POLE: variants seen among roughly 807,000 people sequenced by gnomAD.
The protein encoded by POLE is DNA polymerase epsilon catalytic subunit A.
In POLE, 188 loss-of-function variants were observed where a neutral mutation model predicts 279.2. That is an observed-to-expected ratio of 0.67 (90% CI 0.60 to 0.76). The LOEUF (loss-of-function observed/expected upper bound fraction) is 0.76. Among genes scored for constraint, POLE ranks in the 30% least tolerant of loss-of-function variants. The pLI, the probability that POLE is intolerant of heterozygous loss-of-function variation, is 0.00. For missense variants in POLE, 2,703 were observed against 3,016.7 expected (o/e 0.90, Z 2.44); for synonymous variants, 1,214 against 1,172.5 (o/e 1.04, Z -0.72).
chr12:132,646,919 G>A (rs951666684), intron 32 of POLE, among the ~76,000 whole-genome samples: 14 of 152,032 alleles, frequency 9.2e-5, no homozygotes, highest in African/African-American at 3.1e-4. Context: ...GGCTGGTCTC[G>A]AATGCCTGAG....
chr12:132,628,098 C>A (rs1048779581), intron 45 of POLE, among the ~76,000 whole-genome samples: 3 of 152,200 alleles, frequency 2.0e-5, no homozygotes, highest in Non-Finnish European at 4.4e-5. Context: ...AATCCCAGCA[C>A]TTTGGGAGGC....
chr12:132,648,405 C>CG (rs2042337193), intron 32 of POLE: 1 of 151,642 alleles, frequency 6.6e-6, no homozygotes, highest in South Asian at 2.1e-4. Context: ...GCCCAGGTGA[C>CG]GGGGTGATGG....
At chr12:132,656,255 T>G (rs1269987810) in intron 29 of POLE, among the ~76,000 whole-genome samples, 1 of 152,078 alleles carries the variant, frequency 6.6e-6, no homozygotes, top group Non-Finnish European at 1.5e-5. Flanking sequence ...CACTCCTGCC[T>G]GGGCAATAGA....
Position 132,657,162 on chromosome 12 carries a change from G to T in POLE, c.3556C>A (p.Leu1186Ile), listed in dbSNP as rs1168899671. The T allele has an allele frequency of 1.9e-6, 3 of 1,613,894 alleles. No individual in the cohort carries two copies. The African/African-American group carries it at 4.0e-5, about 22-fold the overall frequency. Residue 1186 changes from leucine to isoleucine, a missense_variant, in exon 29 of 49, where the codon CTC becomes ATC. Physicochemically the swap from Leu to Ile is conservative, Grantham distance 5. Transcript: ENST00000320574. ...DVYKQKKISELFTLEGRRQVT... is the reference protein window; with the variant it reads ...DVYKQKKISEIFTLEGRRQVT... Reference sequence around the variant, plus strand: ...TGTCTCCTGCCCTCCAGGGTGAAGAGCTCACTGATCTTCTTCTGCTTGTAG... The same window carrying T: ...TGTCTCCTGCCCTCCAGGGTGAAGATCTCACTGATCTTCTTCTGCTTGTAG...
At chr12:132,673,912 C>T (rs2136002238) in intron 12 of POLE, among the ~76,000 whole-genome samples, 1 of 152,326 alleles carries the variant, frequency 6.6e-6, no homozygotes, top group South Asian at 2.1e-4. Flanking sequence ...CTATCCACAA[C>T]ACAAGGAAGC....
intron 39 of POLE, chr12:132,640,891 C>G (rs2042126847): frequency 6.9e-6 from 3 of 432,438 alleles, no homozygotes; most frequent in Non-Finnish European, 1.4e-5. Flanking sequence ...CTGCCTCTTT[C>G]CACCAGTCCT....
At chr12:132,669,497 A>C (rs534508712) in intron 16 of POLE, among the ~76,000 whole-genome samples, 1 of 152,084 alleles carries the variant, frequency 6.6e-6, no homozygotes, top group South Asian at 2.1e-4. Flanking sequence ...AATCCTTAAA[A>C]CCCTCCAAAG....
intron 32 of POLE, among the ~76,000 whole-genome samples, chr12:132,645,806 A>C (rs568259649): frequency 6.8e-6 from 1 of 146,576 alleles, no homozygotes; most frequent in South Asian, 2.1e-4. Context: ...ACACCCACAC[A>C]CACACACACA....
intron 29 of POLE, among the ~76,000 whole-genome samples, chr12:132,655,490 T>C (rs189238784): frequency 1.1e-3 from 165 of 152,376 alleles, no homozygotes; most frequent in African/African-American, 3.6e-3. Context: ...AGCTAGTGAC[T>C]AAATCTAGTT....
chr12:132,639,340 C>T lies in POLE; in HGVS notation c.5379-42G>A, dbSNP rs2042095870. ...ACGACACCCTCGTACCCTCAGCCTC[C>T]CACGCTGCTGCCACGCGGGACGCTC... On this transcript the variant is annotated intron_variant, in intron 39 of 48. Coordinates refer to ENST00000320574, the MANE Select transcript of POLE (RefSeq NM_006231.4). The surrounding 1 kb of genome is among the most constrained non-coding windows in gnomAD (Gnocchi z 4.7). 4.4e-6 allele frequency: 7 copies of T among 1,595,970 alleles called. No homozygotes were observed. In the East Asian group the frequency reaches 1.6e-4, roughly 36 times the overall value.
chr12:132,649,156 C>T (rs2042357011), intron 31 of POLE, 84 bp from the exon 32 acceptor site: 1 of 1,540,328 alleles, frequency 6.5e-7, no homozygotes, highest in Non-Finnish European at 8.8e-7. Flanking sequence ...GCTTGCAGCT[C>T]CCAGCACAGG....
Position 132,657,401 on chromosome 12 carries a change from C to T in POLE, c.3407G>A (p.Arg1136Gln), listed in dbSNP as rs761355093. The change falls in exon 28 of 49, where the codon CGG becomes CAG. Residue 1136 changes from arginine to glutamine, a missense_variant. Transcript: ENST00000320574. ...AILDWDYYIE[R>Q]LGSAIQKIIT... is the part of the protein sequence containing the mutation. ...GATCTTCTGGATGGCGCTTCCCAGCCGCTCAATGTAGTAGTCCCAATCCAG... is the reference window on the plus strand; with the variant it reads ...GATCTTCTGGATGGCGCTTCCCAGCTGCTCAATGTAGTAGTCCCAATCCAG... 1.2e-5 allele frequency: 19 copies of T among 1,613,978 alleles called. No individual in the cohort carries two copies. The highest frequency in any genetic ancestry group is 1.6e-5 in the Non-Finnish European group (19 of 1,180,036).
chr12:132,635,249 C>T (rs2098731336), intron 42 of POLE, among the ~76,000 whole-genome samples: 1 of 152,204 alleles, frequency 6.6e-6, no homozygotes, highest in Non-Finnish European at 1.5e-5. Context: ...CTCCACTCAC[C>T]CACAGCCTGG....
At chr12:132,636,782 T>A (rs1402657154) in intron 41 of POLE, among the ~76,000 whole-genome samples, 1 of 148,040 alleles carries the variant, frequency 6.8e-6, no homozygotes, top group African/African-American at 2.5e-5. Context: ...CCCCAAAAAA[T>A]GGAAGAATAA....
rs2042568592 is a variant in POLE at position 132,657,383 on chromosome 12, T to C, written c.3425A>G (p.Gln1142Arg). The C allele has an allele frequency of 6.2e-7, 1 of 1,614,144 alleles. No individual in the cohort carries two copies. The highest frequency in any genetic ancestry group is 8.5e-7 in the Non-Finnish European group (1 of 1,180,026). Residue 1142 changes from glutamine (Q) to arginine (R), a missense_variant, in exon 28 of 49, where the codon CAG (glutamine) becomes CGG (arginine). Gln to Arg is a conservative substitution (Grantham distance 43). This residue lies in a region of POLE where 1,551 missense variants were observed against 1,686.1 expected (regional missense o/e 0.92). Coordinates refer to ENST00000320574, the MANE Select transcript of POLE (RefSeq NM_006231.4). ...YYIERLGSAI[Q>R]KIITIPAALQ... ...GGCCGCAGGGATGGTGATGATCTTCTGGATGGCGCTTCCCAGCCGCTCAAT... is the reference window on the plus strand; with the variant it reads ...GGCCGCAGGGATGGTGATGATCTTCCGGATGGCGCTTCCCAGCCGCTCAAT...
Position 132,657,207 on chromosome 12 carries a change from G to C in POLE, c.3511C>G (p.Leu1171Val). ...TTGTAGACATCATTCTTCTCCAGCA[G>C]TTTTTTGTGCAGCCAGTCGGGGTGT... Reference protein sequence around the residue: ...VKHPDWLHKKLLEKNDVYKQK... With the variant: ...VKHPDWLHKKVLEKNDVYKQK... Residue 1171 changes from leucine to valine, a missense_variant, in exon 29 of 49, where the codon CTG becomes GTG. This residue lies in a region of POLE where 1,551 missense variants were observed against 1,686.1 expected (regional missense o/e 0.92). Coordinates refer to ENST00000320574, the MANE Select transcript of POLE (RefSeq NM_006231.4). 1 of 1,613,986 alleles carries C rather than the reference G, an allele frequency of 6.2e-7. No homozygotes were observed. Among genetic ancestry groups the C allele is most frequent in the African/African-American group, 1.3e-5 (1 of 74,962 alleles).
In POLE at chr12:132,682,797, C is replaced by T. The variant is rs144995650; in HGVS notation, c.63-1518G>A. ...TGAAACCCCGTCTCTACTAAAAATA[C>T]GAAAAATTAGCCGGGCGTGGTGGCG... On this transcript the variant is annotated intron_variant, in intron 1 of 48. Transcript: ENST00000320574. Among the ~76,000 whole-genome samples the T allele has an allele frequency of 9.1e-3, 1,366 of 150,900 alleles. 14 individuals carry two copies. The highest frequency in any genetic ancestry group is 0.032 in the African/African-American group (1,304 of 41,090).
chr12:132,635,126 C>G (rs1436188620), intron 42 of POLE, among the ~76,000 whole-genome samples: 1 of 152,168 alleles, frequency 6.6e-6, no homozygotes, highest in Non-Finnish European at 1.5e-5. Context: ...CTCAACCCAC[C>G]CAGCCACTCT....
At chr12:132,665,527 T>C (rs986931679) in intron 20 of POLE, 77 bp from the exon 21 acceptor site, 1 of 1,481,320 alleles carries the variant, frequency 6.8e-7, no homozygotes. Context: ...CCCAGGTTTT[T>C]AGTATTTTGA....
Sources: gnomAD v4.1 joint callset for allele counts (sites outside exome capture counted in the v4.1 genomes callset) on GRCh38, gnomAD v4.1.1 for gene constraint, gnomAD v4.1.1 regional missense constraint, Gnocchi (gnomAD v3.1) non-coding constraint, MANE v1.5 for transcripts, NCBI Gene and HGNC (gene_info 2026-07-23, HGNC 2026-07-21) for gene names.